ADAMTS8: variants seen among roughly 807,000 people sequenced by gnomAD.
ADAMTS8 encodes A disintegrin and metalloproteinase with thrombospondin motifs 8.
A neutral mutation model predicts 64.4 loss-of-function variants in ADAMTS8; 50 were observed. That is an observed-to-expected ratio of 0.78 (90% CI 0.62 to 0.98). ADAMTS8 has a LOEUF of 0.98. ADAMTS8 is among the 50% of genes least tolerant of loss of function. The pLI, the probability that ADAMTS8 is intolerant of heterozygous loss-of-function variation, is 0.00. For synonymous variants in ADAMTS8, 556 were observed against 533.6 expected (o/e 1.04, Z -0.58); for missense variants, 1,192 against 1,208.2 (o/e 0.99, Z 0.20).
At chr11:130,420,384 C>T (rs1388901120) in intron 1 of ADAMTS8, among the ~76,000 whole-genome samples, 3 of 152,180 alleles carry the variant, frequency 2.0e-5, no homozygotes, top group South Asian at 2.1e-4. Context: ...CCTGCCTCAG[C>T]GACCCCTTGA....
At position 130,405,480 on chromosome 11, in the gene ADAMTS8, G is replaced by A; in HGVS notation, c.*78C>T. On this transcript the variant is annotated 3_prime_UTR_variant, in exon 9 of 9. Transcript: ENST00000257359. ...TGCCTTGATATGGCCAAGGGACCCAGTCACCACAGTGGAGACCCTTGTCTG... is the reference window on the plus strand; with the variant it reads ...TGCCTTGATATGGCCAAGGGACCCAATCACCACAGTGGAGACCCTTGTCTG... 6 of 1,510,848 alleles carry A rather than the reference G, an allele frequency of 4.0e-6. No homozygotes were observed. Among genetic ancestry groups the A allele is most frequent in the Non-Finnish European group, 5.3e-6 (6 of 1,135,252 alleles). 93.6% of individuals were successfully genotyped at this position (1,510,848 alleles called of 1,614,324 possible).
In ADAMTS8 at chr11:130,405,864, C is replaced by T; in HGVS notation, c.2364G>A (p.Val788=). 1 of 1,614,090 alleles carries T rather than the reference C, an allele frequency of 6.2e-7. No individual in the cohort carries two copies. Among genetic ancestry groups the T allele is most frequent in the African/African-American group, 1.3e-5 (1 of 75,076 alleles). The change falls in exon 9 of 9, where the codon GTG becomes GTA. Residue 788 remains valine (V), a synonymous_variant. Transcript: ENST00000257359. ...SFRPLPEPLT[V]QLLTVPGEVF... ...CCTCGCCAGGGACTGTCAGGAGCTG[C>T]ACTGTCAGAGGCTCTGGCAAGGGCC...
At chr11:130,417,504 C>T (rs956296920) in intron 2 of ADAMTS8, among the ~76,000 whole-genome samples, 2 of 152,088 alleles carry the variant, frequency 1.3e-5, no homozygotes, top group African/African-American at 2.4e-5. Flanking sequence ...CAATCCGGCT[C>T]CTTCGGCCTC....
chr11:130,417,131 CA>C, intron 2 of ADAMTS8, 56 bp from the exon 3 acceptor site: 2 of 1,601,958 alleles, frequency 1.2e-6, no homozygotes, highest in Non-Finnish European at 1.7e-6. Flanking sequence ...GGGTGCGCTG[CA>C]GGCCTGCAGG....
Position 130,406,135 on chromosome 11 carries a change from TAGAAAC to T in ADAMTS8, c.2100-13_2100-8del. On this transcript the variant is annotated splice_region_variant and splice_polypyrimidine_tract_variant and intron_variant, in intron 8 of 8. Transcript: ENST00000257359. ...AATGTCATTGTAGCCATAACTGTGA[TAGAAAC>T]AGAAGGACACCCTTAGACCAGTGGC... 6.2e-7 allele frequency: 1 copy of T among 1,601,444 alleles called. No individual in the cohort carries two copies. Among genetic ancestry groups the T allele is most frequent in the Non-Finnish European group, 8.5e-7 (1 of 1,176,514 alleles).
Position 130,405,478 on chromosome 11 carries a change from C to A in ADAMTS8, c.*80G>T. 6.6e-7 allele frequency: 1 copy of A among 1,508,752 alleles called. No individual in the cohort carries two copies. The highest frequency in any genetic ancestry group is 1.3e-5 in the South Asian group (1 of 74,930). 93.5% of individuals were successfully genotyped at this position (1,508,752 alleles called of 1,614,324 possible). On this transcript the variant is annotated 3_prime_UTR_variant, in exon 9 of 9. Coordinates refer to ENST00000257359, the MANE Select transcript of ADAMTS8 (RefSeq NM_007037.6). The stretch of plus-strand genomic sequence containing the variant: ...GCTGCCTTGATATGGCCAAGGGACC[C>A]AGTCACCACAGTGGAGACCCTTGTC...
chr11:130,423,412 T>C (rs955036465), intron 1 of ADAMTS8, among the ~76,000 whole-genome samples: 4 of 152,170 alleles, frequency 2.6e-5, no homozygotes, highest in Admixed American at 6.5e-5. Flanking sequence ...CATGAATCTG[T>C]TTCTGTTGTC....
In ADAMTS8 at chr11:130,408,469, G is replaced by C. The variant is rs781562469; in HGVS notation, c.2094C>G (p.Pro698=). 5 of 1,613,494 alleles carry C rather than the reference G, an allele frequency of 3.1e-6. No individual in the cohort carries two copies. The Admixed American group carries it at 8.3e-5, about 27-fold the overall frequency. Residue 698 remains proline, a synonymous_variant, in exon 8 of 9, where the codon CCC becomes CCG. Transcript: ENST00000257359. ...GAACTTCTGGGGAGACTCACTTGGT[G>C]GGGGTGAGGGACCCGGAGACCTTCC... The part of the protein sequence containing the change: ...SCRKVSGSLT[P]TNYGYNDIVT...
intron 4 of ADAMTS8, among the ~76,000 whole-genome samples, chr11:130,415,238 C>G (rs1565376755): frequency 6.6e-6 from 1 of 152,198 alleles, no homozygotes; most frequent in African/African-American, 2.4e-5. Context: ...TGAGAAGGAT[C>G]TAGAATATTA....
intron 2 of ADAMTS8, 102 bp downstream of exon 2, chr11:130,418,951 C>G (rs1862061903): frequency 3.9e-6 from 6 of 1,556,434 alleles, no homozygotes; most frequent in Middle Eastern, 2.3e-4. Flanking sequence ...CTGGGGCCAG[C>G]AGGGAGACGT....
chr11:130,426,694 T>G (rs1343863514), intron 1 of ADAMTS8, among the ~76,000 whole-genome samples: 1 of 152,210 alleles, frequency 6.6e-6, no homozygotes, highest in Non-Finnish European at 1.5e-5. Context: ...TAGTTAGAAA[T>G]GGTCTGGTTA....
At position 130,405,641 on chromosome 11, in the gene ADAMTS8, AG is replaced by A. The variant is rs1316392558; in HGVS notation, c.2586del (p.Ser863ProfsTer12). 1 of 1,613,854 alleles carries A rather than the reference AG, an allele frequency of 6.2e-7. No homozygotes were observed. The highest frequency in any genetic ancestry group is 1.3e-5 in the African/African-American group (1 of 74,902). ...TTGCAGGTGGCAGAGGCCTGGCCGG[AG>A]GGGTCCCTGCACTCTACAGTTCGCC... ...WQRRTVECRD[P>X]SGQASATCNK... On this transcript the variant is annotated frameshift_variant, in exon 9 of 9. Transcript: ENST00000257359. LOFTEE classifies it low-confidence loss of function (END_TRUNC).
intron 6 of ADAMTS8, among the ~76,000 whole-genome samples, chr11:130,410,311 T>G (rs1241154741): frequency 1.3e-5 from 2 of 152,224 alleles, no homozygotes; most frequent in Non-Finnish European, 2.9e-5. Flanking sequence ...TACATTTTCA[T>G]ACATTTTTAT....
At position 130,427,806 on chromosome 11, in the gene ADAMTS8, G is replaced by A. The variant is rs748705208; in HGVS notation, c.481C>T (p.Leu161Phe). ...ACCTCCCACTCGGGTCCTCGCGGGA[G>A]GGGGCGGGCTCCGGCGGGACCCCAG... ...QRWGPAGARPLPRGPEWEVET... is the reference protein window; with the variant it reads ...QRWGPAGARPFPRGPEWEVET... Residue 161 changes from leucine (L) to phenylalanine (F), a missense_variant, in exon 1 of 9, where the codon CTC becomes TTC. Around this residue, in one of 5 missense-constraint regions of ADAMTS8, gnomAD observed 741 missense variants for 710.6 expected, o/e 1.04. Coordinates refer to ENST00000257359, the MANE Select transcript of ADAMTS8 (RefSeq NM_007037.6). 4.5e-6 allele frequency: 7 copies of A among 1,572,470 alleles called. No homozygotes were observed. The South Asian group carries it at 7.0e-5, about 16-fold the overall frequency.
At chr11:130,418,007 C>CAAAAAAAA (rs5795694) in intron 2 of ADAMTS8, among the ~76,000 whole-genome samples, 8 of 93,934 alleles carry the variant, frequency 8.5e-5, no homozygotes, top group African/African-American at 1.3e-4. Flanking sequence ...CTACAAAAAG[C>CAAAAAAAA]AAAAAAAAAA....
At position 130,408,958 on chromosome 11, in the gene ADAMTS8, C is replaced by T. The variant is rs776657688; in HGVS notation, c.1751-18G>A. On this transcript the variant is annotated intron_variant, in intron 6 of 8. Transcript: ENST00000257359. Reference sequence around the variant, plus strand: ...GCTTTTCCCTAGAAAGAGGAAGAAACGGCATGGAGGTGACACCCATGCGGA... The same window carrying T: ...GCTTTTCCCTAGAAAGAGGAAGAAATGGCATGGAGGTGACACCCATGCGGA... 3.2e-5 allele frequency: 49 copies of T among 1,522,524 alleles called. No individual in the cohort carries two copies. The highest frequency in any genetic ancestry group is 4.0e-5 in the Non-Finnish European group (45 of 1,134,572). The allele number at this position is 1,522,524 out of a possible 1,614,324, so 94.3% of individuals were successfully genotyped here.
Position 130,414,718 on chromosome 11 carries a change from A to G in ADAMTS8, c.1379T>C (p.Phe460Ser), listed in dbSNP as rs186207868. 3 of 1,613,738 alleles carry G rather than the reference A, an allele frequency of 1.9e-6. No individual in the cohort carries two copies. In the East Asian group the frequency reaches 6.7e-5, roughly 36 times the overall value. Reference protein sequence around the residue: ...QQCRQIFGPDFRHCPNTSAQD... With the variant: ...QQCRQIFGPDSRHCPNTSAQD... ...AGCAGAGGTGTTGGGGCAGTGGCGG[A>G]AATCCGGCCCAAAGATCTGCCTGCA... is the stretch of plus-strand genomic sequence containing the variant. Residue 460 changes from phenylalanine (F) to serine (S), a missense_variant, in exon 5 of 9, where the codon TTC (phenylalanine) becomes TCC (serine). By Grantham distance (155) the Phe-to-Ser change is radical. Around this residue, in one of 5 missense-constraint regions of ADAMTS8, gnomAD observed 741 missense variants for 710.6 expected, o/e 1.04. Transcript: ENST00000257359.
chr11:130,419,397 G>T, intron 1 of ADAMTS8, 105 bp from the exon 2 acceptor site: 1 of 1,496,362 alleles, frequency 6.7e-7, no homozygotes, highest in Non-Finnish European at 9.1e-7. Flanking sequence ...CTGAGCATCA[G>T]ATTCCTACCA....
chr11:130,414,657 A>G lies in ADAMTS8; in HGVS notation c.1440T>C (p.Asp480=). The G allele has an allele frequency of 1.9e-6, 3 of 1,613,798 alleles. No homozygotes were observed. Among genetic ancestry groups the G allele is most frequent in the Non-Finnish European group, 2.5e-6 (3 of 1,180,022 alleles). The change falls in exon 5 of 9, where the codon GAT becomes GAC. Residue 480 remains aspartate, a synonymous_variant. Transcript: ENST00000257359. ...DVCAQLWCHT[D]GAEPLCHTKN... ...TCGTGTGGCACAGGGGCTCAGCCCCATCAGTGTGGCACCAAAGCTGGGCGC... is the reference window on the plus strand; with the variant it reads ...TCGTGTGGCACAGGGGCTCAGCCCCGTCAGTGTGGCACCAAAGCTGGGCGC...
Sources: gnomAD v4.1 joint callset for allele counts (sites outside exome capture counted in the v4.1 genomes callset) on GRCh38, gnomAD v4.1.1 for gene constraint, gnomAD v4.1.1 regional missense constraint, MANE v1.5 for transcripts, NCBI Gene and HGNC (gene_info 2026-07-23, HGNC 2026-07-21) for gene names.